The following ASH1L variants were observed in gnomAD, a reference collection of about 807,000 sequenced individuals.
ASH1L encodes ASH1 like histone lysine methyltransferase.
A neutral mutation model predicts 269.0 loss-of-function variants in ASH1L; 23 were observed. The ratio of observed to expected loss-of-function variants is 0.09; its 90% CI spans 0.06 to 0.12. The LOEUF is 0.12. Among genes scored for constraint, ASH1L ranks in the 10% least tolerant of loss-of-function variants. The pLI is 1.00. For synonymous variants in ASH1L, 1,187 were observed against 1,253.5 expected, an observed-to-expected ratio of 0.95 and a Z score of 1.12; for missense variants, 2,912 against 3,567.8, an observed-to-expected ratio of 0.82 and a Z score of 4.68.
chr1:155,546,280 G>A (rs962561574), intron 1 of ASH1L, among the ~76,000 whole-genome samples: 5 of 150,874 alleles, frequency 3.3e-5, no homozygotes, highest in Non-Finnish European at 7.4e-5. Context: ...GCAATGAGCC[G>A]ATATCGTGCC....
chr1:155,522,237 T>C (rs1345618409), intron 1 of ASH1L, among the ~76,000 whole-genome samples: 2 of 152,228 alleles, frequency 1.3e-5, no homozygotes, highest in East Asian at 1.9e-4. Flanking sequence ...CAGGAACTTA[T>C]GCAGATATTA....
intron 2 of ASH1L, among the ~76,000 whole-genome samples, chr1:155,497,825 C>A (rs1355457957): frequency 5.3e-5 from 8 of 151,996 alleles, no homozygotes; most frequent in Non-Finnish European, 1.0e-4. Context: ...TCTCGGCTCA[C>A]TGCAAGTTCC....
chr1:155,504,330 T>C (rs1310023280), intron 2 of ASH1L, among the ~76,000 whole-genome samples: 7 of 152,140 alleles, frequency 4.6e-5, no homozygotes, highest in African/African-American at 1.7e-4. Flanking sequence ...ATCCCCAATA[T>C]GTGTTACTTC....
At chr1:155,457,479 CATT>C (rs776079380) in intron 4 of ASH1L, among the ~76,000 whole-genome samples, 10 of 152,194 alleles carry the variant, frequency 6.6e-5, no homozygotes, top group Non-Finnish European at 1.0e-4. Flanking sequence ...TACTGTGCTA[CATT>C]ATTACCCTTT....
chr1:155,356,422 C>G (rs1654390466), intron 15 of ASH1L, among the ~76,000 whole-genome samples: 1 of 152,072 alleles, frequency 6.6e-6, no homozygotes, highest in South Asian at 2.1e-4. Context: ...ATCACAAGGT[C>G]AGGAGATCGA....
chr1:155,546,487 G>A lies in ASH1L; in HGVS notation c.-100+15666C>T, dbSNP rs534804688. Among the ~76,000 whole-genome samples, 19 of 152,176 alleles carry A rather than the reference G, an allele frequency of 1.2e-4. No homozygotes were observed. In the South Asian group the frequency reaches 2.3e-3, roughly 18 times the overall value. The stretch of plus-strand genomic sequence containing the variant: ...CTTTTAAGAGCACTCTGGGTTGGGC[G>A]CGGTGGCTCATGCCTATAATCCCAG... On this transcript the variant is annotated intron_variant, in intron 1 of 27. Transcript: ENST00000392403.
chr1:155,433,382 G>A, intron 5 of ASH1L: 2 of 1,602,790 alleles, frequency 1.2e-6, no homozygotes, highest in Non-Finnish European at 1.7e-6. Context: ...CCCGCTGTAT[G>A]AGTTCTGTGG....
In ASH1L at chr1:155,479,166, G is replaced by A; in HGVS notation, c.3704C>T (p.Pro1235Leu). Residue 1235 changes from proline to leucine, a missense_variant, in exon 3 of 28, where the codon CCT becomes CTT. Transcript: ENST00000392403. ...HSFEHVSLIP[P>L]ETSTVLSSLK... is the part of the protein sequence containing the mutation. ...ACTGCTTAGCACTGTAGAGGTTTCAGGGGGAATCAGAGAAACATGCTCAAA... is the reference window on the plus strand; with the variant it reads ...ACTGCTTAGCACTGTAGAGGTTTCAAGGGGAATCAGAGAAACATGCTCAAA... 1 of 1,614,104 alleles carries A rather than the reference G, an allele frequency of 6.2e-7. No individual in the cohort carries two copies. Among genetic ancestry groups the A allele is most frequent in the South Asian group, 1.1e-5 (1 of 91,066 alleles).
At chr1:155,347,520 C>A in intron 20 of ASH1L, 136 bp downstream of exon 20, 1 of 1,108,190 alleles carries the variant, frequency 9.0e-7, no homozygotes. Context: ...AACACAGAAA[C>A]CTAACAGAAA....
In ASH1L at chr1:155,459,779, A is replaced by G; in HGVS notation, c.5086+18T>C. ...TGGGAAACTATCTTGAAAATCTGGTAAAACAAATAGCACTAGCCTGTTGAA... is the reference window on the plus strand; with the variant it reads ...TGGGAAACTATCTTGAAAATCTGGTGAAACAAATAGCACTAGCCTGTTGAA... On this transcript the variant is annotated intron_variant, in intron 4 of 27. Coordinates refer to ENST00000392403, the MANE Select transcript of ASH1L (RefSeq NM_018489.3). 1.3e-6 allele frequency: 2 copies of G among 1,591,774 alleles called. No individual in the cohort carries two copies.
At position 155,473,251 on chromosome 1, in the gene ASH1L, T is replaced by G. The variant is rs148607801; in HGVS notation, c.4984+4635A>C. Among the ~76,000 whole-genome samples, 17 of 152,320 alleles carry G rather than the reference T, an allele frequency of 1.1e-4. No individual in the cohort carries two copies. The East Asian group carries it at 3.1e-3, about 28-fold the overall frequency. On this transcript the variant is annotated intron_variant, in intron 3 of 27. Transcript: ENST00000392403. The stretch of plus-strand genomic sequence containing the variant: ...ATTCATCCACATTCTTCCTCTTGGC[T>G]CCTACTGGCAACAGACTTTTCTGCA...
intron 12 of ASH1L, among the ~76,000 whole-genome samples, chr1:155,360,788 G>C (rs1654876300): frequency 6.6e-6 from 1 of 152,062 alleles, no homozygotes; most frequent in Non-Finnish European, 1.5e-5. Flanking sequence ...GTATAATACT[G>C]CCAGAGTAAG....
intron 12 of ASH1L, chr1:155,370,262 A>G (rs1655822794): frequency 1.9e-6 from 1 of 525,704 alleles, no homozygotes; most frequent in Non-Finnish European, 3.4e-6. Context: ...CTTGCATGCC[A>G]AACAAAAAAA....
chr1:155,530,209 C>T (rs1163685498), intron 1 of ASH1L, among the ~76,000 whole-genome samples: 1 of 152,074 alleles, frequency 6.6e-6, no homozygotes, highest in Non-Finnish European at 1.5e-5. Context: ...CATTCAGTAT[C>T]CTATTTTATT....
chr1:155,468,592 C>A (rs529540261), intron 3 of ASH1L, among the ~76,000 whole-genome samples: 1 of 152,038 alleles, frequency 6.6e-6, no homozygotes, highest in Non-Finnish European at 1.5e-5. Flanking sequence ...ATAATCCAAT[C>A]CTCTCATATT....
Position 155,354,496 on chromosome 1 carries a change from C to T in ASH1L, c.7190G>A (p.Arg2397Gln), listed in dbSNP as rs1249415159. The T allele has an allele frequency of 3.0e-5, 49 of 1,610,390 alleles. No homozygotes were observed. Among genetic ancestry groups the T allele is most frequent in the East Asian group, 1.1e-4 (5 of 44,856 alleles). ...SLYTRWNGIC[R>Q]DDGNIKSDVF... ...ACCAGACTTGATATTCCCATCATCT[C>T]GGCAGATCCCATTCCAACGGGTATA... is the stretch of plus-strand genomic sequence containing the variant. The change falls in exon 16 of 28, where the codon CGA becomes CAA. Residue 2397 changes from arginine (R) to glutamine (Q), a missense_variant. This residue lies in a region of ASH1L where 309 missense variants were observed against 435.1 expected (regional missense o/e 0.71). Coordinates refer to ENST00000392403, the MANE Select transcript of ASH1L (RefSeq NM_018489.3).
In ASH1L at chr1:155,349,315, A is replaced by G. The variant is rs1443775702; in HGVS notation, c.7554+12T>C. The G allele has an allele frequency of 1.2e-6, 2 of 1,606,548 alleles. No homozygotes were observed. Among genetic ancestry groups the G allele is most frequent in the Non-Finnish European group, 8.5e-7 (1 of 1,175,436 alleles). On this transcript the variant is annotated intron_variant, in intron 19 of 27. Coordinates refer to ENST00000392403, the MANE Select transcript of ASH1L (RefSeq NM_018489.3). ...AAACTTGTGAAATCTGTTTGAAGTC[A>G]GTGAAAAATACCTCAGCATTCCGAA...
In ASH1L at chr1:155,429,715, G is replaced by A. The variant is rs546293375; in HGVS notation, c.5828+8612C>T. On this transcript the variant is annotated intron_variant, in intron 5 of 27. Coordinates refer to ENST00000392403, the MANE Select transcript of ASH1L (RefSeq NM_018489.3). Reference sequence around the variant, plus strand: ...GCAAGAAAAGGGGTTTACAAACAGGGAAAGTATGGTCACCTCCTGAATATT... The same window carrying A: ...GCAAGAAAAGGGGTTTACAAACAGGAAAAGTATGGTCACCTCCTGAATATT... Among the ~76,000 whole-genome samples, 88 of 152,240 alleles carry A rather than the reference G, an allele frequency of 5.8e-4. 3 individuals carry two copies. The South Asian group carries it at 0.018, about 30-fold the overall frequency.
At chr1:155,536,668 G>A (rs1241609136) in intron 1 of ASH1L, among the ~76,000 whole-genome samples, 1 of 152,136 alleles carries the variant, frequency 6.6e-6, no homozygotes, top group African/African-American at 2.4e-5. Flanking sequence ...AGAAGTTCAA[G>A]GCTGCAGTGA....
Sources: gnomAD v4.1 joint callset for allele counts (sites outside exome capture counted in the v4.1 genomes callset) on GRCh38, gnomAD v4.1.1 for gene constraint, gnomAD v4.1.1 regional missense constraint, MANE v1.5 for transcripts, NCBI Gene and HGNC (gene_info 2026-07-23, HGNC 2026-07-21) for gene names.